The following SNED1 variants were observed in gnomAD, a reference collection of about 807,000 sequenced individuals.
SNED1 encodes sushi, nidogen and EGF like domains 1.
A neutral mutation model predicts 166.7 loss-of-function variants in SNED1; 81 were observed. The observed-to-expected ratio is 0.49, with a 90% confidence interval of 0.41 to 0.58. The LOEUF is 0.58. Among genes scored for constraint, SNED1 ranks in the 20% least tolerant of loss-of-function variants. The pLI is 0.00. For missense variants in SNED1, 1,604 were observed against 2,000.2 expected (o/e 0.80, Z 3.78); for synonymous variants, 762 against 822.0 (o/e 0.93, Z 1.25).
intron 15 of SNED1, 37 bp from the exon 16 acceptor site, chr2:241,053,116 C>T: frequency 6.3e-7 from 1 of 1,586,002 alleles, no homozygotes; most frequent in Non-Finnish European, 8.6e-7. Context: ...GCCAGGAAGG[C>T]ACAGGACCGT....
rs151133230 is a variant in SNED1, at chr2:241,039,102, G to A, written c.1046-973G>A. Among the ~76,000 whole-genome samples, 36 of 152,280 alleles carry A rather than the reference G, an allele frequency of 2.4e-4. No individual in the cohort carries two copies. In the East Asian group the frequency reaches 5.6e-3, roughly 24 times the overall value. ...ACAAGCCTTGGGTACAAGCCTTCCCGCCTCGACCCCCCACAGGGGCTCCCT... is the reference window on the plus strand; with the variant it reads ...ACAAGCCTTGGGTACAAGCCTTCCCACCTCGACCCCCCACAGGGGCTCCCT... On this transcript the variant is annotated intron_variant, in intron 6 of 31. Transcript: ENST00000310397.
At chr2:241,023,029 T>G (rs2060816254) in intron 1 of SNED1, among the ~76,000 whole-genome samples, 1 of 152,170 alleles carries the variant, frequency 6.6e-6, no homozygotes, top group Non-Finnish European at 1.5e-5. Flanking sequence ...TGATTCACTT[T>G]ATTCAGTATT....
intron 1 of SNED1, among the ~76,000 whole-genome samples, chr2:241,008,568 C>T (rs951675602): frequency 2.0e-5 from 3 of 152,324 alleles, no homozygotes; most frequent in Non-Finnish European, 2.9e-5. Flanking sequence ...CGTCTGTCTG[C>T]GACCAGGCAG....
chr2:241,001,831 G>A (rs1421757471), intron 1 of SNED1, among the ~76,000 whole-genome samples: 1 of 152,196 alleles, frequency 6.6e-6, no homozygotes, highest in Non-Finnish European at 1.5e-5. Context: ...CCCCGACAGA[G>A]CCCTGAGCAG....
At chr2:241,035,792 A>T in intron 4 of SNED1, 1 of 70,144 alleles carries the variant, frequency 1.4e-5, no homozygotes, top group South Asian at 5.5e-4. Context: ...GGTGCGCCAC[A>T]GGGTTGGGGA....
chr2:241,024,235 C>CTT (rs10664618), intron 1 of SNED1, among the ~76,000 whole-genome samples: 802 of 46,938 alleles, frequency 0.017, 262 homozygotes, highest in East Asian at 0.11. Flanking sequence ...ACTCTACTAC[C>CTT]TTTTTTTTTT....
chr2:241,055,057 C>T (rs966141449), intron 16 of SNED1, among the ~76,000 whole-genome samples: 4 of 151,436 alleles, frequency 2.6e-5, no homozygotes, highest in Admixed American at 2.0e-4. Flanking sequence ...GCGGAGGTTG[C>T]AGTGAGGTGA....
At chr2:241,045,713 C>CAAAA (rs35928845) in intron 8 of SNED1, among the ~76,000 whole-genome samples, 1 of 133,604 alleles carries the variant, frequency 7.5e-6, no homozygotes, top group Non-Finnish European at 1.6e-5. Flanking sequence ...AAAACATAGG[C>CAAAA]AAAAAAAAAA....
intron 12 of SNED1, among the ~76,000 whole-genome samples, chr2:241,050,536 A>C (rs1211490863): frequency 6.6e-6 from 1 of 152,114 alleles, no homozygotes. Context: ...CGCAGCCTGG[A>C]CTGGTGTGGA....
At chr2:241,078,801 A>T (rs2063173776) in intron 27 of SNED1, among the ~76,000 whole-genome samples, 1 of 151,864 alleles carries the variant, frequency 6.6e-6, no homozygotes, top group Non-Finnish European at 1.5e-5. Context: ...GAATTATCTC[A>T]ATAATGCCTG....
rs1400642374 is a variant in SNED1, at chr2:241,064,351, C to G, written c.2599+226C>G. On this transcript the variant is annotated intron_variant, in intron 19 of 31. Transcript: ENST00000310397. The surrounding 1 kb of genome is among the most constrained non-coding windows in gnomAD (Gnocchi z 7.0). ...AACCTCCCCATCTCCTGCGCTCACC[C>G]CCCAGACACCCCTCTTCACCCGAGG... 6.6e-6 allele frequency among the ~76,000 whole-genome samples: 1 copy of G among 152,156 alleles called. No individual in the cohort carries two copies. The highest frequency in any genetic ancestry group is 1.5e-5 in the Non-Finnish European group (1 of 68,008).
At chr2:241,026,834 C>T (rs1185573250) in intron 1 of SNED1, among the ~76,000 whole-genome samples, 1 of 152,144 alleles carries the variant, frequency 6.6e-6, no homozygotes, top group Non-Finnish European at 1.5e-5. Flanking sequence ...ATCATTACCA[C>T]CATCCACCCA....
In SNED1 at chr2:241,048,300, C is replaced by A. The variant is rs73010034; in HGVS notation, c.1274-15C>A. ...TTCCCTGCGTGGCCGCTGGTGACTG[C>A]CGTCTTTCTTGCAGGAGACCATCCA... On this transcript the variant is annotated splice_polypyrimidine_tract_variant and intron_variant, in intron 8 of 31. Coordinates refer to ENST00000310397, the MANE Select transcript of SNED1 (RefSeq NM_001080437.3). 5,479 of 1,585,498 alleles carry A rather than the reference C, an allele frequency of 3.5e-3. 10 individuals carry two copies. Among genetic ancestry groups the A allele is most frequent in the Non-Finnish European group, 4.3e-3 (5,022 of 1,168,658 alleles).
Position 241,069,760 on chromosome 2 carries a change from G to A in SNED1, c.3308-160G>A, listed in dbSNP as rs1042332259. On this transcript the variant is annotated intron_variant, in intron 23 of 31. Coordinates refer to ENST00000310397, the MANE Select transcript of SNED1 (RefSeq NM_001080437.3). This position sits in a 1 kb window ranked among gnomAD's most constrained non-coding sequence, Gnocchi z 4.9. ...TCTCGGTTGGAAGATTGTGCTGTAC[G>A]TGCCAGCCCACACCCCGCCTCGGCA... is the stretch of plus-strand genomic sequence containing the variant. Among the ~76,000 whole-genome samples the A allele has an allele frequency of 1.3e-5, 2 of 152,082 alleles. No individual in the cohort carries two copies. The highest frequency in any genetic ancestry group is 2.9e-5 in the Non-Finnish European group (2 of 68,014).
chr2:241,048,898 G>A, intron 10 of SNED1, 124 bp from the exon 11 acceptor site: 1 of 1,176,742 alleles, frequency 8.5e-7, no homozygotes, highest in South Asian at 1.4e-5. Flanking sequence ...AGGAGGGACT[G>A]GCCACAAGAG....
At chr2:241,077,652 C>A (rs2063093504) in intron 27 of SNED1, among the ~76,000 whole-genome samples, 1 of 152,092 alleles carries the variant, frequency 6.6e-6, no homozygotes, top group Admixed American at 6.6e-5. Flanking sequence ...GACAACTAAA[C>A]AATAAAAAGA....
intron 31 of SNED1, chr2:241,090,522 C>G: frequency 2.1e-6 from 3 of 1,430,892 alleles, no homozygotes; most frequent in Non-Finnish European, 2.8e-6. Flanking sequence ...GTATTATGTA[C>G]TCTACATAAT....
chr2:241,035,878 G>A, intron 4 of SNED1, among the ~76,000 whole-genome samples: 1 of 120,912 alleles, frequency 8.3e-6, no homozygotes, highest in Non-Finnish European at 1.7e-5. Flanking sequence ...GGGTGTGGGA[G>A]GTGGGGGCGT....
intron 1 of SNED1, among the ~76,000 whole-genome samples, chr2:241,016,477 T>G (rs1314780007): frequency 6.7e-6 from 1 of 150,160 alleles, no homozygotes; most frequent in Non-Finnish European, 1.5e-5. Flanking sequence ...ATTACAGGCG[T>G]GAGCCACCAC....
Sources: gnomAD v4.1 joint callset for allele counts (sites outside exome capture counted in the v4.1 genomes callset) on GRCh38, gnomAD v4.1.1 for gene constraint, Gnocchi (gnomAD v3.1) non-coding constraint, MANE v1.5 for transcripts, NCBI Gene and HGNC (gene_info 2026-07-23, HGNC 2026-07-21) for gene names.